The following PLAC1 variants were observed in gnomAD, a reference collection of about 807,000 sequenced individuals.
PLAC1 encodes placenta-specific protein 1.
For missense variants in PLAC1, 136 were observed against 163.2 expected, an observed-to-expected ratio of 0.83 and a Z score of 0.91; for synonymous variants, 68 against 62.1, an observed-to-expected ratio of 1.09 and a Z score of -0.44.
intron 2 of PLAC1, among the ~76,000 whole-genome samples, chrX:134,567,146 T>A (rs1308296725): frequency 3.6e-5 from 4 of 112,524 alleles, no homozygotes; most frequent in Non-Finnish European, 7.5e-5. Flanking sequence ...TGTCCTCTCA[T>A]AGGCCATACT....
At chrX:134,699,261 T>C (rs2078574680) in intron 2 of PLAC1, among the ~76,000 whole-genome samples, 1 of 111,387 alleles carries the variant, frequency 9.0e-6, no homozygotes. Context: ...CCTTCATGAA[T>C]GGGATTAAAT....
chrX:134,622,401 G>T (rs926489557), intron 1 of PLAC1, among the ~76,000 whole-genome samples: 5 of 110,156 alleles, frequency 4.5e-5, no homozygotes, highest in African/African-American at 1.3e-4. Flanking sequence ...TTACTACATG[G>T]GCTGAGTCAG....
At chrX:134,723,987 GA>G (rs34039114) in intron 2 of PLAC1, among the ~76,000 whole-genome samples, 6 of 101,571 alleles carry the variant, frequency 5.9e-5, no homozygotes, top group Admixed American at 1.1e-4. Context: ...ATCTAATCAT[GA>G]AAAAAAAAAA....
intron 2 of PLAC1, among the ~76,000 whole-genome samples, chrX:134,716,780 G>C (rs999160907): frequency 8.9e-6 from 1 of 112,196 alleles, no homozygotes; most frequent in African/African-American, 3.2e-5. Context: ...ATAGCGTAAC[G>C]GTTAAGAGGT....
At position 134,607,553 on chromosome X, in the gene PLAC1, C is replaced by T. The variant is rs186001087; in HGVS notation, c.-130-5431G>A. 1.3e-3 allele frequency: 219 copies of T among 174,265 alleles called. 1 individual carries two copies. The highest frequency in any genetic ancestry group is 6.4e-3 in the African/African-American group (201 of 31,326). The allele number at this position is 174,265 out of a possible 1,213,427, so 14.4% of individuals were successfully genotyped here. On this transcript the variant is annotated intron_variant, in intron 1 of 2. Transcript: ENST00000359237. ...CAACTGAAGCACCAGCCCGCTCCAC[C>T]CAGAGAAGCACACTGTGCAAGAACC... is the stretch of plus-strand genomic sequence containing the variant.
intron 2 of PLAC1, among the ~76,000 whole-genome samples, chrX:134,667,713 G>T (rs2078441622): frequency 9.0e-6 from 1 of 110,903 alleles, no homozygotes; most frequent in African/African-American, 3.3e-5. Flanking sequence ...TTGAAGGCAG[G>T]AGTTTGAGAT....
chrX:134,711,585 G>T (rs1389659746), intron 2 of PLAC1, among the ~76,000 whole-genome samples: 1 of 112,090 alleles, frequency 8.9e-6, no homozygotes, highest in Non-Finnish European at 1.9e-5. Flanking sequence ...CTTTGGGCAT[G>T]TTCCTTTTCC....
chrX:134,749,387 C>T (rs1247080535), intron 1 of PLAC1, among the ~76,000 whole-genome samples: 2 of 111,614 alleles, frequency 1.8e-5, no homozygotes, highest in Middle Eastern at 4.2e-3. Context: ...CCCAGCTACT[C>T]GGGAGGCTAA....
chrX:134,663,456 G>A (rs980017776), upstream of PLAC1, among the ~76,000 whole-genome samples: 5 of 112,690 alleles, frequency 4.4e-5, no homozygotes, highest in South Asian at 3.6e-4. Context: ...GTGCGCGCAC[G>A]CGCGTGCACG....
chrX:134,668,638 A>T (rs2078445043), intron 2 of PLAC1, among the ~76,000 whole-genome samples: 1 of 112,770 alleles, frequency 8.9e-6, no homozygotes, highest in South Asian at 3.6e-4. Flanking sequence ...AGGACTAGTG[A>T]TGGGTCTAAA....
At chrX:134,612,973 A>G (rs890432738) in intron 1 of PLAC1, among the ~76,000 whole-genome samples, 4 of 110,328 alleles carry the variant, frequency 3.6e-5, no homozygotes, top group African/African-American at 9.9e-5. Flanking sequence ...GATGCTTCAG[A>G]GCCTCAGAGG....
intron 2 of PLAC1, among the ~76,000 whole-genome samples, chrX:134,690,919 G>A (rs1289245398): frequency 1.3e-5 from 1 of 74,814 alleles, no homozygotes; most frequent in African/African-American, 5.4e-5. Flanking sequence ...TCCAGCCTGG[G>A]CGACAGAGCA....
chrX:134,698,676 T>C (rs1048336247), intron 2 of PLAC1, among the ~76,000 whole-genome samples: 6 of 111,337 alleles, frequency 5.4e-5, no homozygotes, highest in Admixed American at 9.6e-5. Flanking sequence ...ACACCCTAGA[T>C]GATCTCATAC....
At chrX:134,645,337 A>G (rs2078327799) in intron 1 of PLAC1, among the ~76,000 whole-genome samples, 1 of 112,145 alleles carries the variant, frequency 8.9e-6, no homozygotes, top group Non-Finnish European at 1.9e-5. Context: ...TAAAGTACTT[A>G]TTCATTTTCA....
upstream of PLAC1, among the ~76,000 whole-genome samples, chrX:134,661,363 T>G (rs1039566536): frequency 8.9e-6 from 1 of 111,882 alleles, no homozygotes; most frequent in Non-Finnish European, 1.9e-5. Context: ...GGCGGGCAGT[T>G]GGTAGATGCT....
At chrX:134,645,011 C>T (rs1248040148) in intron 1 of PLAC1, among the ~76,000 whole-genome samples, 2 of 111,469 alleles carry the variant, frequency 1.8e-5, no homozygotes, top group African/African-American at 6.5e-5. Flanking sequence ...CATATCCAGT[C>T]TAAACTCCTC....
intron 1 of PLAC1, among the ~76,000 whole-genome samples, chrX:134,756,051 C>T (rs2078756285): frequency 9.3e-6 from 1 of 107,035 alleles, no homozygotes; most frequent in South Asian, 4.2e-4. Flanking sequence ...CGGGGTTTCA[C>T]CGTGTTAGCC....
intron 2 of PLAC1, among the ~76,000 whole-genome samples, chrX:134,669,533 G>A (rs375678219): frequency 8.9e-6 from 1 of 112,519 alleles, no homozygotes; most frequent in African/African-American, 3.2e-5. Context: ...CTTGGTGGGG[G>A]AGCACAGAGG....
chrX:134,710,364 A>G lies in PLAC1; in HGVS notation n.174+23071T>C, dbSNP rs959717059. ...TGTCATGGGAGCTCATAAACGACTT[A>G]TGGGACTGTTACTCGGTAGAGCCAC... On this transcript the variant is annotated intron_variant and non_coding_transcript_variant, in intron 2 of 2. Coordinates refer to the PLAC1 transcript ENST00000466797. Among the ~76,000 whole-genome samples, 3 of 112,041 alleles carry G rather than the reference A, an allele frequency of 2.7e-5. No individual in the cohort carries two copies. The Admixed American group carries it at 2.8e-4, about 11-fold the overall frequency.
Sources: allele counts gnomAD v4.1 joint callset (sites outside exome capture counted in the v4.1 genomes callset), GRCh38; gene constraint gnomAD v4.1.1; transcripts MANE v1.5; gene names NCBI Gene and HGNC (gene_info 2026-07-23, HGNC 2026-07-21).